The following TRIM9 variants were observed in gnomAD, a reference collection of about 807,000 sequenced individuals.
TRIM9 encodes E3 ubiquitin-protein ligase TRIM9.
Under a neutral mutation model 78.3 loss-of-function variants are expected in TRIM9, and 26 were observed. The observed-to-expected ratio is 0.33, with a 90% CI of 0.24 to 0.46. The LOEUF (loss-of-function observed/expected upper bound fraction) is 0.46. Ranked by LOEUF, TRIM9 falls within the 20% of genes least tolerant of loss-of-function variation. TRIM9 has a pLI of 1.00. For missense variants in TRIM9, 787 were observed against 1,036.4 expected (o/e 0.76, Z 3.30); for synonymous variants, 398 against 416.5 (o/e 0.96, Z 0.54).
chr14:50,983,471 T>C lies in TRIM9; in HGVS notation c.1793-50A>G, dbSNP rs774175164. On this transcript the variant is annotated intron_variant, in intron 8 of 12. Coordinates refer to ENST00000684578, the MANE Select transcript of TRIM9 (RefSeq NM_001387360.1). ...CGCTATGAAACAACAACCAGGTTGA[T>C]AAAAATTACTTGTATACGCTTAAAA... 35 of 1,442,424 alleles carry C rather than the reference T, an allele frequency of 2.4e-5. 2 individuals carry two copies. In the South Asian group the frequency reaches 4.2e-4, roughly 17 times the overall value. The allele number at this position is 1,442,424 out of a possible 1,614,324, so 89.4% of individuals were successfully genotyped here. A position where few individuals can be genotyped will look rare whatever the true frequency, so the allele number is the denominator to read the frequency against.
intron 9 of TRIM9, 46 bp downstream of exon 9, chr14:50,983,334 C>T: frequency 7.0e-7 from 1 of 1,438,350 alleles, no homozygotes; most frequent in Non-Finnish European, 9.4e-7. Context: ...GGAAATTGAG[C>T]ACACCAATCA....
chr14:51,010,538 G>C, intron 3 of TRIM9, 44 bp from the exon 4 acceptor site: 1 of 1,466,170 alleles, frequency 6.8e-7, no homozygotes, highest in Non-Finnish European at 9.4e-7. Context: ...AGATGGCAGA[G>C]GGTAGAAGAG....
intron 1 of TRIM9, among the ~76,000 whole-genome samples, chr14:51,043,732 A>G (rs1289388535): frequency 6.6e-6 from 1 of 152,228 alleles, no homozygotes; most frequent in African/African-American, 2.4e-5. Context: ...CTCTAGCAGC[A>G]GAATGAAACT....
At chr14:51,092,789 T>C (rs1379540902) in intron 1 of TRIM9, among the ~76,000 whole-genome samples, 3 of 152,132 alleles carry the variant, frequency 2.0e-5, no homozygotes, top group Non-Finnish European at 2.9e-5. Flanking sequence ...CAGGGAGCAA[T>C]AGATAAATAC....
chr14:51,008,974 C>T (rs2139619038), intron 5 of TRIM9, 106 bp downstream of exon 5: 3 of 1,101,220 alleles, frequency 2.7e-6, no homozygotes, highest in Admixed American at 2.1e-5. Context: ...AAGTTAGAAG[C>T]CACTCCATAT....
intron 1 of TRIM9, among the ~76,000 whole-genome samples, chr14:51,051,851 C>T (rs1036360884): frequency 6.6e-6 from 1 of 152,078 alleles, no homozygotes; most frequent in Non-Finnish European, 1.5e-5. Context: ...CCTGTGATCC[C>T]AGCTACTAAG....
chr14:50,998,194 A>T lies in TRIM9; in HGVS notation c.1465-6T>A. On this transcript the variant is annotated splice_polypyrimidine_tract_variant and splice_region_variant and intron_variant, in intron 6 of 12. Coordinates refer to ENST00000684578, the MANE Select transcript of TRIM9 (RefSeq NM_001387360.1). ...TCCTTCCCCACATACACCTCCTGAG[A>T]GTCAGCAAAGAACAGGACAGCACTT... 1 of 1,614,048 alleles carries T rather than the reference A, an allele frequency of 6.2e-7. No homozygotes were observed.
At chr14:51,051,738 G>T (rs192028512) in intron 1 of TRIM9, among the ~76,000 whole-genome samples, 171 of 152,174 alleles carry the variant, frequency 1.1e-3, no homozygotes, top group Non-Finnish European at 1.8e-3. Context: ...AGGCTGAGGC[G>T]GGTAGATCAC....
chr14:51,064,228 G>C (rs887707960), intron 1 of TRIM9, among the ~76,000 whole-genome samples: 1 of 151,884 alleles, frequency 6.6e-6, no homozygotes, highest in African/African-American at 2.4e-5. Context: ...AGGGCAGCTA[G>C]AATAAGTACT....
Position 51,094,151 on chromosome 14 carries a change from G to A in TRIM9, c.789C>T (p.Val263=), listed in dbSNP as rs1165200425. The change falls in exon 1 of 13, where the codon GTC becomes GTT. Residue 263 remains valine (V), a synonymous_variant. Coordinates refer to ENST00000684578, the MANE Select transcript of TRIM9 (RefSeq NM_001387360.1). ...LEEGKHSSHE[V]KALGAMWKLH... is the part of the protein sequence containing the mutation. ...GTTTCCACATGGCCCCCAGAGCCTT[G>A]ACTTCGTGGCTGGAGTGTTTGCCCT... 6.2e-7 allele frequency: 1 copy of A among 1,613,964 alleles called. No homozygotes were observed. The highest frequency in any genetic ancestry group is 1.7e-5 in the Admixed American group (1 of 60,030).
At chr14:50,983,318 T>G in intron 9 of TRIM9, 62 bp downstream of exon 9, 1 of 1,354,170 alleles carries the variant, frequency 7.4e-7, no homozygotes, top group Middle Eastern at 1.8e-4. Context: ...CCATTTATTT[T>G]GTGAAGGAAA....
intron 1 of TRIM9, among the ~76,000 whole-genome samples, chr14:51,049,302 T>C (rs61985049): frequency 0.059 from 8,957 of 152,174 alleles, 343 homozygotes; most frequent in East Asian, 0.14. Context: ...TTTTACAGAT[T>C]GAAAAGATTA....
rs36090116 is a variant in TRIM9, at chr14:50,981,934, G to A, written c.2028C>T (p.His676=). 6,604 of 1,614,154 alleles carry A rather than the reference G, an allele frequency of 4.1e-3. 211 individuals carry two copies. The African/African-American group carries it at 0.078, about 19-fold the overall frequency. The change falls in exon 11 of 13, where the codon CAC becomes CAT. Residue 676 remains histidine (H), a synonymous_variant. Coordinates refer to ENST00000684578, the MANE Select transcript of TRIM9 (RefSeq NM_001387360.1). ...GAGCCACACCAAAGGCAGGATCAGG[G>A]TGGTTGTCATAGCGATCTACCGTGA... ...WELTVDRYDN[H]PDPAFGVARM...
intron 1 of TRIM9, among the ~76,000 whole-genome samples, chr14:51,057,358 T>C (rs1037578283): frequency 4.6e-5 from 7 of 152,230 alleles, no homozygotes; most frequent in Non-Finnish European, 1.0e-4. Context: ...ATTACCAAAG[T>C]AATTTACAGA....
chr14:51,013,114 G>T (rs775541383), intron 3 of TRIM9, among the ~76,000 whole-genome samples: 1 of 152,162 alleles, frequency 6.6e-6, no homozygotes, highest in South Asian at 2.1e-4. Flanking sequence ...GTGTCCCAAA[G>T]GGTTCCCCCT....
intron 1 of TRIM9, among the ~76,000 whole-genome samples, chr14:51,058,488 C>A (rs1390360400): frequency 1.3e-5 from 2 of 152,136 alleles, no homozygotes; most frequent in African/African-American, 4.8e-5. Context: ...TAGGTGTGGC[C>A]CTGAAACTGA....
intron 3 of TRIM9, among the ~76,000 whole-genome samples, chr14:51,019,672 C>CTT (rs2057558971): frequency 6.6e-6 from 1 of 152,210 alleles, no homozygotes; most frequent in African/African-American, 2.4e-5. Context: ...CATTCTCTCT[C>CTT]AATCACAACA....
rs530308150 is a variant in TRIM9, at chr14:50,976,338, A to G, written c.*953T>C. ...CTAGGAAGCCTGAAAGATCTTGCCC[A>G]TGAGTCTCTTTGACCCTTGCCCATT... On this transcript the variant is annotated 3_prime_UTR_variant, in exon 13 of 13. Coordinates refer to ENST00000684578, the MANE Select transcript of TRIM9 (RefSeq NM_001387360.1). 3 of 152,420 alleles carry G rather than the reference A, an allele frequency of 2.0e-5. No homozygotes were observed. In the South Asian group the frequency reaches 6.2e-4, roughly 32 times the overall value. 9.4% of individuals were successfully genotyped at this position (152,420 alleles called of 1,614,324 possible). A position where few individuals can be genotyped will look rare whatever the true frequency, so the allele number is the denominator to read the frequency against.
At chr14:51,082,585 T>C (rs2063401738) in intron 1 of TRIM9, among the ~76,000 whole-genome samples, 1 of 152,240 alleles carries the variant, frequency 6.6e-6, no homozygotes, top group Admixed American at 6.5e-5. Flanking sequence ...AGTCAGAAAG[T>C]ACACTACTGG....
Sources: allele counts gnomAD v4.1 joint callset (sites outside exome capture counted in the v4.1 genomes callset), GRCh38; gene constraint gnomAD v4.1.1; transcripts MANE v1.5; gene names NCBI Gene and HGNC (gene_info 2026-07-23, HGNC 2026-07-21).